LDB2: variants seen among roughly 807,000 people sequenced by gnomAD.
LDB2 encodes LIM domain-binding protein 2.
A neutral mutation model predicts 44.3 loss-of-function variants in LDB2; 12 were observed. The ratio of observed to expected loss-of-function variants is 0.27; its 90% CI spans 0.17 to 0.44. The LOEUF (loss-of-function observed/expected upper bound fraction) is 0.44, where lower values mean the gene tolerates loss of function less well. Ranked by LOEUF, LDB2 falls within the 20% of genes least tolerant of loss-of-function variation. LDB2 has a pLI of 1.00. For missense variants in LDB2, 344 were observed against 473.5 expected (o/e 0.73, Z 2.54); for synonymous variants, 164 against 174.8 (o/e 0.94, Z 0.49).
At chr4:16,792,874 C>G (rs1182861886) in intron 1 of LDB2, among the ~76,000 whole-genome samples, 1 of 152,206 alleles carries the variant, frequency 6.6e-6, no homozygotes, top group African/African-American at 2.4e-5. Flanking sequence ...TTTCAGCATA[C>G]TGTTGTAGAA....
intron 2 of LDB2, chr4:16,752,382 T>C (rs770998526): frequency 2.2e-6 from 1 of 451,878 alleles, no homozygotes; most frequent in African/African-American, 2.0e-5. Context: ...ATTGTAATTG[T>C]TTGGAACTTG....
At chr4:16,864,491 G>C (rs1182368385) in intron 1 of LDB2, among the ~76,000 whole-genome samples, 1 of 152,140 alleles carries the variant, frequency 6.6e-6, no homozygotes, top group Non-Finnish European at 1.5e-5. Flanking sequence ...TAAGACTCGG[G>C]TAAAATGTAA....
intron 2 of LDB2, among the ~76,000 whole-genome samples, chr4:16,624,329 T>G (rs963207035): frequency 7.9e-5 from 12 of 152,206 alleles, no homozygotes; most frequent in African/African-American, 1.2e-4. Context: ...ACTCCTGGGC[T>G]CAAGCAATAC....
chr4:16,693,118 T>C (rs968526375), intron 2 of LDB2, among the ~76,000 whole-genome samples: 1 of 152,136 alleles, frequency 6.6e-6, no homozygotes, highest in African/African-American at 2.4e-5. Context: ...AGGCAGGATA[T>C]TGGCAGTGGA....
intron 2 of LDB2, among the ~76,000 whole-genome samples, chr4:16,628,379 G>A (rs1420776366): frequency 6.6e-6 from 1 of 152,096 alleles, no homozygotes; most frequent in Non-Finnish European, 1.5e-5. Context: ...ACTTCTCCAG[G>A]AGAAGCTCAC....
intron 2 of LDB2, among the ~76,000 whole-genome samples, chr4:16,687,092 C>G (rs1158534014): frequency 6.6e-6 from 1 of 151,288 alleles, no homozygotes; most frequent in East Asian, 1.9e-4. Context: ...ATTTAGATTG[C>G]CTGACTTTCC....
rs1716669848 is a variant in LDB2 at position 16,586,031 on chromosome 4, T to G, written c.532-26A>C. 3 of 1,572,756 alleles carry G rather than the reference T, an allele frequency of 1.9e-6. No homozygotes were observed. In the South Asian group the frequency reaches 3.3e-5, roughly 17 times the overall value. On this transcript the variant is annotated intron_variant, in intron 4 of 7. Transcript: ENST00000304523. ...CTAAATGGAAAAAAAACCCCACATGTATTTTATCACTACAGGACGGTCCTG... is the reference window on the plus strand; with the variant it reads ...CTAAATGGAAAAAAAACCCCACATGGATTTTATCACTACAGGACGGTCCTG...
intron 5 of LDB2, among the ~76,000 whole-genome samples, chr4:16,559,377 A>G (rs1741130530): frequency 6.6e-6 from 1 of 152,144 alleles, no homozygotes. Context: ...AAGATCTACC[A>G]AGCCAATGGA....
intron 5 of LDB2, among the ~76,000 whole-genome samples, chr4:16,573,122 T>C (rs971790715): frequency 1.3e-5 from 2 of 152,200 alleles, no homozygotes; most frequent in African/African-American, 4.8e-5. Context: ...GGGATCGGCT[T>C]TGTGGCCTTA....
chr4:16,662,356 C>T (rs1317837657), intron 2 of LDB2, among the ~76,000 whole-genome samples: 1 of 152,148 alleles, frequency 6.6e-6, no homozygotes, highest in African/African-American at 2.4e-5. Flanking sequence ...CAGAAAGTAG[C>T]TAAAAAATAA....
At chr4:16,565,992 A>G (rs1454921811) in intron 5 of LDB2, among the ~76,000 whole-genome samples, 2 of 152,012 alleles carry the variant, frequency 1.3e-5, no homozygotes, top group Non-Finnish European at 2.9e-5. Context: ...ACACACACAC[A>G]AGAAACTCTC....
intron 3 of LDB2, 25 bp downstream of exon 3, chr4:16,595,678 G>T: frequency 6.2e-7 from 1 of 1,600,010 alleles, no homozygotes; most frequent in African/African-American, 1.3e-5. Context: ...GAAAAGCCGG[G>T]CATGTGACAG....
At chr4:16,517,920 TGG>T (rs2152264455) in intron 5 of LDB2, among the ~76,000 whole-genome samples, 1 of 150,928 alleles carries the variant, frequency 6.6e-6, no homozygotes, top group African/African-American at 2.5e-5. Context: ...GATGGATGGA[TGG>T]ATGGATAATA....
chr4:16,599,995 A>G (rs959519025), intron 2 of LDB2, among the ~76,000 whole-genome samples: 9 of 152,256 alleles, frequency 5.9e-5, no homozygotes, highest in African/African-American at 1.9e-4. Context: ...TGGGTTTATG[A>G]TTTTGAACTC....
intron 4 of LDB2, among the ~76,000 whole-genome samples, chr4:16,588,113 A>C (rs535148808): frequency 7.9e-5 from 12 of 152,284 alleles, no homozygotes; most frequent in Admixed American, 4.6e-4. Context: ...TCCTACTTAC[A>C]TTTAAAATAC....
chr4:16,591,871 GC>G (rs889259864), intron 3 of LDB2, among the ~76,000 whole-genome samples: 1 of 143,994 alleles, frequency 6.9e-6, no homozygotes, highest in Non-Finnish European at 1.5e-5. Context: ...TCTGAAGTCG[GC>G]CTTTTTTTTT....
chr4:16,849,661 G>A (rs140750192), intron 1 of LDB2, among the ~76,000 whole-genome samples: 92 of 152,314 alleles, frequency 6.0e-4, no homozygotes, highest in African/African-American at 2.0e-3. Context: ...TGGCATGACT[G>A]TTTCCTGTTT....
intron 5 of LDB2, among the ~76,000 whole-genome samples, chr4:16,547,798 G>A (rs530764203): frequency 1.3e-5 from 2 of 152,098 alleles, no homozygotes; most frequent in African/African-American, 4.8e-5. Flanking sequence ...TTTCTGTCTT[G>A]TTACCTCAGT....
intron 1 of LDB2, among the ~76,000 whole-genome samples, chr4:16,885,471 C>A (rs2110470761): frequency 6.6e-6 from 1 of 152,270 alleles, no homozygotes; most frequent in African/African-American, 2.4e-5. Flanking sequence ...ATCCCAAAGA[C>A]CTCTTTGATC....
Sources: allele counts gnomAD v4.1 joint callset (sites outside exome capture counted in the v4.1 genomes callset), GRCh38; gene constraint gnomAD v4.1.1; transcripts MANE v1.5; gene names NCBI Gene and HGNC (gene_info 2026-07-23, HGNC 2026-07-21).